Variants in MCM9 observed in about 807,000 individuals in gnomAD.
MCM9 encodes minichromosome maintenance 9 homologous recombination repair factor.
A neutral mutation model predicts 72.8 loss-of-function variants in MCM9; 55 were observed. The observed-to-expected ratio is 0.76, with a 90% CI of 0.61 to 0.95. The LOEUF (loss-of-function observed/expected upper bound fraction) is 0.95, where lower values mean the gene tolerates loss of function less well. Among genes scored for constraint, MCM9 ranks in the 40% least tolerant of loss-of-function variants. The probability of loss-of-function intolerance (pLI) is 0.00; values close to 1 mark genes in which losing one functional copy is unlikely to be tolerated. For missense variants in MCM9, 1,279 were observed against 1,377.0 expected (o/e 0.93, Z 1.13); for synonymous variants, 480 against 503.4 (o/e 0.95, Z 0.62).
chr6:118,920,942 G>A (rs1185871342), intron 5 of MCM9: 2 of 152,178 alleles, frequency 1.3e-5, no homozygotes, highest in Non-Finnish European at 2.9e-5. Context: ...TTTCTTCTTA[G>A]TCTCCCCAGT....
chr6:118,874,625 T>C (rs943387420), intron 8 of MCM9, among the ~76,000 whole-genome samples: 1 of 152,152 alleles, frequency 6.6e-6, no homozygotes, highest in Admixed American at 6.5e-5. Context: ...GTATACCGAC[T>C]GGGAAGGAAA....
intron 9 of MCM9, among the ~76,000 whole-genome samples, chr6:118,852,232 G>T (rs1175611094): frequency 2.0e-5 from 3 of 152,030 alleles, no homozygotes; most frequent in Admixed American, 1.3e-4. Context: ...TCATATATGT[G>T]GTCCATCACT....
chr6:118,884,629 A>G (rs1778487578), intron 8 of MCM9, among the ~76,000 whole-genome samples: 1 of 152,206 alleles, frequency 6.6e-6, no homozygotes, highest in African/African-American at 2.4e-5. Context: ...AAAGGCATAT[A>G]TTGACAGCAT....
rs1777922430 is a variant in MCM9 at position 118,876,218 on chromosome 6, G to A, written c.1151-19673C>T. ...ATTTAAAAGATCAGTGGTTGCCAGG[G>A]GTTGAAGGGAAAGAGGGATGAGGGA... is the stretch of plus-strand genomic sequence containing the variant. On this transcript the variant is annotated intron_variant, in intron 8 of 13. Transcript: ENST00000619706. Among the ~76,000 whole-genome samples, 3 of 151,036 alleles carry A rather than the reference G, an allele frequency of 2.0e-5. No homozygotes were observed. The South Asian group carries it at 6.3e-4, about 32-fold the overall frequency.
intron 8 of MCM9, among the ~76,000 whole-genome samples, chr6:118,904,652 A>G (rs1263133282): frequency 6.6e-6 from 1 of 152,230 alleles, no homozygotes; most frequent in African/African-American, 2.4e-5. Context: ...TCACCTTACA[A>G]TAGCTTGATT....
intron 8 of MCM9, chr6:118,894,549 C>A: frequency 1.3e-6 from 2 of 1,512,174 alleles, no homozygotes; most frequent in East Asian, 2.5e-5. Flanking sequence ...TGCGCCCGGG[C>A]TGTCAGTTGC....
At chr6:118,842,174 G>A (rs1241106373) in intron 9 of MCM9, among the ~76,000 whole-genome samples, 1 of 152,094 alleles carries the variant, frequency 6.6e-6, no homozygotes, top group Non-Finnish European at 1.5e-5. Flanking sequence ...TTCCTATCTA[G>A]GCATGTGAGT....
At position 118,878,476 on chromosome 6, in the gene MCM9, G is replaced by A. The variant is rs1055286091; in HGVS notation, c.1151-21931C>T. ...CTTTGTAACTTTTTTTCTTTTATCT[G>A]ATTTAAAAGAAAATTGTATAAGCAC... On this transcript the variant is annotated intron_variant, in intron 8 of 13. Transcript: ENST00000619706. 2.0e-5 allele frequency among the ~76,000 whole-genome samples: 3 copies of A among 152,080 alleles called. No individual in the cohort carries two copies. In the South Asian group the frequency reaches 6.2e-4, roughly 32 times the overall value.
At chr6:118,844,460 T>C (rs916447081) in intron 9 of MCM9, among the ~76,000 whole-genome samples, 1 of 151,222 alleles carries the variant, frequency 6.6e-6, no homozygotes, top group African/African-American at 2.5e-5. Flanking sequence ...TAGGGGTACA[T>C]ACAAACAACC....
rs764324260 is a variant in MCM9, at chr6:118,829,209, G to A, written c.1367C>T (p.Ala456Val). 4.5e-6 allele frequency: 7 copies of A among 1,550,514 alleles called. No individual in the cohort carries two copies. Among genetic ancestry groups the A allele is most frequent in the Non-Finnish European group, 6.1e-6 (7 of 1,146,920 alleles). ...GTCGTACTGGCCTTTGGGGTTCGTT[G>A]CTGCCAGGATGGTGGTCCTTGTGTT... ...KLNTRTTILA[A>V]TNPKGQYDPQ... The change falls in exon 10 of 14, where the codon GCA becomes GTA. Residue 456 changes from alanine (A) to valine (V), a missense_variant. Transcript: ENST00000619706.
chr6:118,855,570 G>C (rs1381284616), intron 9 of MCM9, among the ~76,000 whole-genome samples: 1 of 151,818 alleles, frequency 6.6e-6, no homozygotes, highest in African/African-American at 2.4e-5. Context: ...TATACAAATA[G>C]ATCTCATAGA....
chr6:118,913,947 C>T (rs1780745269), intron 6 of MCM9, among the ~76,000 whole-genome samples: 1 of 152,104 alleles, frequency 6.6e-6, no homozygotes, highest in African/African-American at 2.4e-5. Flanking sequence ...AAAATTACTC[C>T]ACTGCCTAAA....
At chr6:118,928,879 T>C (rs1278674350) in intron 3 of MCM9, among the ~76,000 whole-genome samples, 2 of 151,002 alleles carry the variant, frequency 1.3e-5, no homozygotes, top group Non-Finnish European at 2.9e-5. Context: ...AATTCATACA[T>C]GTAAAGTTTC....
At chr6:118,924,757 G>A (rs1022548557) in intron 3 of MCM9, among the ~76,000 whole-genome samples, 20 of 152,282 alleles carry the variant, frequency 1.3e-4, no homozygotes, top group Non-Finnish European at 2.4e-4. Flanking sequence ...GGTGCAAAAT[G>A]CCAAAGAAAA....
At chr6:118,855,429 A>T (rs1017267012) in intron 9 of MCM9, among the ~76,000 whole-genome samples, 2 of 152,158 alleles carry the variant, frequency 1.3e-5, no homozygotes, top group African/African-American at 4.8e-5. Context: ...CAGGTCTTTA[A>T]TGAGTATATA....
Position 118,895,512 on chromosome 6 carries a change from A to G in MCM9, c.1150+16138T>C, listed in dbSNP as rs535479986. Among the ~76,000 whole-genome samples, 4 of 152,302 alleles carry G rather than the reference A, an allele frequency of 2.6e-5. No homozygotes were observed. The East Asian group carries it at 7.7e-4, about 29-fold the overall frequency. On this transcript the variant is annotated intron_variant, in intron 8 of 13. Coordinates refer to ENST00000619706, the MANE Select transcript of MCM9 (RefSeq NM_017696.3). Reference sequence around the variant, plus strand: ...AAAATAACTCCACATCCAAATACAGAACACACCCTAAACATAAAACACAAA... The same window carrying G: ...AAAATAACTCCACATCCAAATACAGGACACACCCTAAACATAAAACACAAA...
chr6:118,817,676 A>C (rs1158732699), intron 13 of MCM9, among the ~76,000 whole-genome samples: 2 of 152,150 alleles, frequency 1.3e-5, no homozygotes, highest in East Asian at 3.9e-4. Flanking sequence ...GCTGGTTCAA[A>C]TGGTATTTCT....
intron 9 of MCM9, among the ~76,000 whole-genome samples, chr6:118,834,125 G>T (rs1038849953): frequency 6.6e-6 from 1 of 151,920 alleles, no homozygotes; most frequent in Non-Finnish European, 1.5e-5. Context: ...TTGGTTTTCT[G>T]TTCCTGTGTT....
At chr6:118,893,922 T>TCCCGCCGCAGCTACGCCTC in intron 8 of MCM9, 1 of 721,538 alleles carries the variant, frequency 1.4e-6, no homozygotes, top group Non-Finnish European at 1.7e-6. Flanking sequence ...GATCGCGCCC[T>TCCCGCCGCAGCTACGCCTC]CCCGCCGCAG....
Sources: allele counts gnomAD v4.1 joint callset (sites outside exome capture counted in the v4.1 genomes callset), GRCh38; gene constraint gnomAD v4.1.1; transcripts MANE v1.5; gene names NCBI Gene and HGNC (gene_info 2026-07-23, HGNC 2026-07-21).